Variants in KIF6 observed in about 807,000 individuals in gnomAD.
KIF6 encodes the protein kinesin-like protein KIF6.
A neutral mutation model predicts 112.7 loss-of-function variants in KIF6; 106 were observed. That is an observed-to-expected ratio of 0.94 (90% CI 0.80 to 1.11). The LOEUF (loss-of-function observed/expected upper bound fraction) is 1.11, where lower values mean the gene tolerates loss of function less well. KIF6 is among the 50% of genes least tolerant of loss of function. The pLI, the probability that KIF6 is intolerant of heterozygous loss-of-function variation, is 0.00. For synonymous variants in KIF6, 339 were observed against 339.9 expected (o/e 1.00, Z 0.03); for missense variants, 929 against 964.0 (o/e 0.96, Z 0.48).
chr6:39,602,708 C>T (rs1179591827), intron 6 of KIF6, among the ~76,000 whole-genome samples: 1 of 152,184 alleles, frequency 6.6e-6, no homozygotes, highest in Non-Finnish European at 1.5e-5. Context: ...TAGATTAACT[C>T]AAATCTCCCT....
chr6:39,685,757 G>T (rs1225416666), intron 3 of KIF6, among the ~76,000 whole-genome samples: 1 of 152,184 alleles, frequency 6.6e-6, no homozygotes, highest in Non-Finnish European at 1.5e-5. Flanking sequence ...CTTGACCACA[G>T]GTCCAACCCC....
At chr6:39,354,319 A>G (rs2150244393) in intron 19 of KIF6, 2 of 180,294 alleles carry the variant, frequency 1.1e-5, no homozygotes. Context: ...CAGTCTGGCC[A>G]CTGTGGAAGC....
intron 13 of KIF6, among the ~76,000 whole-genome samples, chr6:39,537,537 C>G (rs531235580): frequency 1.3e-5 from 2 of 151,802 alleles, no homozygotes; most frequent in South Asian, 4.2e-4. Flanking sequence ...TCAAGGAGAA[C>G]TACAAACCAC....
chr6:39,710,996 C>T (rs1789516558), intron 3 of KIF6, among the ~76,000 whole-genome samples: 1 of 151,114 alleles, frequency 6.6e-6, no homozygotes, highest in African/African-American at 2.4e-5. Context: ...CACTGCACTC[C>T]AGCCTGGGCA....
At chr6:39,461,875 T>C (rs759632818) in intron 13 of KIF6, among the ~76,000 whole-genome samples, 1 of 152,256 alleles carries the variant, frequency 6.6e-6, no homozygotes, top group Non-Finnish European at 1.5e-5. Context: ...ACACATGTAC[T>C]ATAATACTAA....
intron 13 of KIF6, among the ~76,000 whole-genome samples, chr6:39,530,376 A>T (rs1159674747): frequency 6.6e-6 from 1 of 152,258 alleles, no homozygotes; most frequent in Non-Finnish European, 1.5e-5. Flanking sequence ...TAGAATAGGC[A>T]GTCAGAAAAC....
chr6:39,609,756 T>C (rs1465560561), intron 6 of KIF6, among the ~76,000 whole-genome samples: 1 of 152,174 alleles, frequency 6.6e-6, no homozygotes, highest in Non-Finnish European at 1.5e-5. Flanking sequence ...TGCTTGGTTT[T>C]TTTTGCCTCT....
At chr6:39,383,149 G>A (rs1474816610) in intron 16 of KIF6, among the ~76,000 whole-genome samples, 4 of 152,178 alleles carry the variant, frequency 2.6e-5, no homozygotes, top group Non-Finnish European at 5.9e-5. Context: ...CTTTTGCTGT[G>A]CAGAAGTTCT....
At chr6:39,695,555 A>G (rs1788483469) in intron 3 of KIF6, among the ~76,000 whole-genome samples, 1 of 152,188 alleles carries the variant, frequency 6.6e-6, no homozygotes, top group Admixed American at 6.6e-5. Context: ...AAAATGCTCA[A>G]CATTACTAAT....
intron 17 of KIF6, 52 bp downstream of exon 17, chr6:39,362,382 T>C (rs977829926): frequency 9.5e-5 from 134 of 1,404,974 alleles, no homozygotes; most frequent in Non-Finnish European, 1.3e-4. Flanking sequence ...AGGACGACAC[T>C]GAGACCCTGG....
intron 13 of KIF6, among the ~76,000 whole-genome samples, chr6:39,519,647 C>T (rs1052079247): frequency 2.7e-5 from 4 of 150,290 alleles, no homozygotes; most frequent in African/African-American, 9.9e-5. Context: ...AGAAACCTGC[C>T]ATGTCTGGTG....
intron 2 of KIF6, among the ~76,000 whole-genome samples, chr6:39,717,200 CT>C (rs1245822704): frequency 2.0e-5 from 3 of 152,086 alleles, no homozygotes; most frequent in African/African-American, 7.2e-5. Context: ...CTCACAATGA[CT>C]TATAAGGCTC....
chr6:39,573,045 TTCTTCAGAGAATG>T (rs1232906087), intron 10 of KIF6, among the ~76,000 whole-genome samples: 9 of 151,066 alleles, frequency 6.0e-5, no homozygotes, highest in African/African-American at 2.2e-4. Flanking sequence ...CTTTCTGATA[TTCTTCAGAGAATG>T]TCTGATGGTA....
intron 15 of KIF6, among the ~76,000 whole-genome samples, chr6:39,396,408 G>A (rs1018138110): frequency 3.9e-5 from 6 of 152,172 alleles, no homozygotes; most frequent in East Asian, 1.9e-4. Context: ...GGGAGCCAAC[G>A]GGGGCCGAGC....
At chr6:39,710,469 G>GAAA (rs11371063) in intron 3 of KIF6, among the ~76,000 whole-genome samples, 1 of 140,002 alleles carries the variant, frequency 7.1e-6, no homozygotes, top group Admixed American at 7.1e-5. Context: ...AAAGAAGACA[G>GAAA]AAAAAAAAAA....
At chr6:39,556,819 G>A (rs1387886116) in intron 10 of KIF6, among the ~76,000 whole-genome samples, 1 of 152,186 alleles carries the variant, frequency 6.6e-6, no homozygotes. Flanking sequence ...CATGGTTAAA[G>A]TTTCCAAACT....
At chr6:39,597,589 T>A (rs1782342214) in intron 6 of KIF6, among the ~76,000 whole-genome samples, 1 of 152,154 alleles carries the variant, frequency 6.6e-6, no homozygotes, top group African/African-American at 2.4e-5. Flanking sequence ...AAACTTAGAT[T>A]GCTTCCTTAC....
At chr6:39,591,006 G>A (rs1391009998) in intron 7 of KIF6, among the ~76,000 whole-genome samples, 2 of 152,178 alleles carry the variant, frequency 1.3e-5, no homozygotes. Context: ...GTTGCCAAAA[G>A]CCCTGATGTT....
intron 5 of KIF6, among the ~76,000 whole-genome samples, chr6:39,625,235 C>A (rs1160749466): frequency 2.0e-5 from 3 of 152,180 alleles, no homozygotes; most frequent in African/African-American, 7.2e-5. Flanking sequence ...ACTAAGACAA[C>A]CTCCTAATTG....
Sources: allele counts gnomAD v4.1 joint callset (sites outside exome capture counted in the v4.1 genomes callset), GRCh38; gene constraint gnomAD v4.1.1; transcripts MANE v1.5; gene names NCBI Gene and HGNC (gene_info 2026-07-23, HGNC 2026-07-21).